The following SMARCAD1 variants were observed in gnomAD, a reference collection of about 807,000 sequenced individuals.
SMARCAD1 encodes the protein SNF2 related chromatin remodeling ATPase with DExD box 1.
Under a neutral mutation model 127.1 loss-of-function variants are expected in SMARCAD1, and 25 were observed. That is an observed-to-expected ratio of 0.20 (90% confidence interval 0.14 to 0.27). The LOEUF is 0.27. SMARCAD1 is among the 10% of genes least tolerant of loss of function. The probability of loss-of-function intolerance (pLI) is 1.00; values close to 1 mark genes in which losing one functional copy is unlikely to be tolerated. For synonymous variants in SMARCAD1, 400 were observed against 396.9 expected (o/e 1.01, Z -0.09); for missense variants, 807 against 1,206.0 (o/e 0.67, Z 4.90).
chr4:94,209,657 A>C (rs1741881171), intron 2 of SMARCAD1, among the ~76,000 whole-genome samples: 2 of 152,226 alleles, frequency 1.3e-5, no homozygotes, highest in Admixed American at 1.3e-4. Context: ...ACATTTTTAA[A>C]TACTTTGGTG....
At chr4:94,209,960 A>T (rs2125779287) in intron 2 of SMARCAD1, among the ~76,000 whole-genome samples, 1 of 152,344 alleles carries the variant, frequency 6.6e-6, no homozygotes, top group African/African-American at 2.4e-5. Context: ...CATTTTTGTT[A>T]AATGTGGGAC....
At chr4:94,240,270 G>A (rs1271707244) in intron 5 of SMARCAD1, among the ~76,000 whole-genome samples, 1 of 152,172 alleles carries the variant, frequency 6.6e-6, no homozygotes, top group Non-Finnish European at 1.5e-5. Flanking sequence ...TACATAAGTA[G>A]CATATGTAGC....
At chr4:94,245,970 TC>T (rs1162943135) in intron 6 of SMARCAD1, among the ~76,000 whole-genome samples, 1 of 152,146 alleles carries the variant, frequency 6.6e-6, no homozygotes, top group Non-Finnish European at 1.5e-5. Flanking sequence ...GCCAAAGACT[TC>T]ATACAACATC....
intron 2 of SMARCAD1, among the ~76,000 whole-genome samples, chr4:94,224,685 C>T (rs964929658): frequency 3.9e-5 from 6 of 152,206 alleles, no homozygotes; most frequent in African/African-American, 4.8e-5. Context: ...TTTAGTGTTA[C>T]GATTTAATGG....
At chr4:94,221,397 A>G (rs910874788) in intron 2 of SMARCAD1, among the ~76,000 whole-genome samples, 2 of 152,232 alleles carry the variant, frequency 1.3e-5, no homozygotes, top group African/African-American at 4.8e-5. Context: ...CCACATTGCA[A>G]ATAACTCTAA....
rs1755438368 is a variant in SMARCAD1 at position 94,289,640 on chromosome 4, A to G, written c.*106A>G. On this transcript the variant is annotated 3_prime_UTR_variant, in exon 24 of 24. Coordinates refer to ENST00000354268, the MANE Select transcript of SMARCAD1 (RefSeq NM_020159.5). ...GGTTTATGAACATTTATAACTTTTT[A>G]TAATTTCCATATTACATTTCTCATA... The G allele has an allele frequency of 2.8e-6, 3 of 1,056,174 alleles. No individual in the cohort carries two copies. The highest frequency in any genetic ancestry group is 2.0e-4 in the Middle Eastern group (1 of 4,900). The allele number at this position is 1,056,174 out of a possible 1,614,324, so 65.4% of individuals were successfully genotyped here. A position where few individuals can be genotyped will look rare whatever the true frequency, so the allele number is the denominator to read the frequency against.
chr4:94,275,460 A>T (rs185760557), intron 14 of SMARCAD1, among the ~76,000 whole-genome samples: 87 of 152,296 alleles, frequency 5.7e-4, no homozygotes, highest in African/African-American at 1.8e-3. Context: ...TAGTTGATTT[A>T]TTTAAAGTTC....
At chr4:94,250,355 T>A (rs140865682) in intron 7 of SMARCAD1, among the ~76,000 whole-genome samples, 102 of 152,214 alleles carry the variant, frequency 6.7e-4, no homozygotes, top group Admixed American at 2.6e-3. Context: ...TACTAAATTC[T>A]GATGAGCTGA....
intron 9 of SMARCAD1, among the ~76,000 whole-genome samples, chr4:94,258,069 G>A (rs1034396914): frequency 1.2e-4 from 18 of 148,848 alleles, no homozygotes; most frequent in Non-Finnish European, 2.2e-4. Context: ...TATTTGTCTC[G>A]GTTTTTCTCT....
At chr4:94,235,365 G>C (rs1746489190) in intron 4 of SMARCAD1, among the ~76,000 whole-genome samples, 1 of 144,410 alleles carries the variant, frequency 6.9e-6, no homozygotes, top group Non-Finnish European at 1.5e-5. Context: ...GATGTACTTT[G>C]TTCCTTTTAA....
At chr4:94,281,621 A>G in intron 21 of SMARCAD1, 31 bp downstream of exon 21, 1 of 1,298,528 alleles carries the variant, frequency 7.7e-7, no homozygotes, top group Non-Finnish European at 1.1e-6. Flanking sequence ...TTACAAAAAA[A>G]TAACTCATTT....
At chr4:94,285,439 C>G (rs902438381) in intron 23 of SMARCAD1, among the ~76,000 whole-genome samples, 2 of 152,020 alleles carry the variant, frequency 1.3e-5, no homozygotes, top group African/African-American at 4.8e-5. Flanking sequence ...AACACGTGTT[C>G]TTTCTTTTAT....
At chr4:94,270,623 G>A (rs900566649) in intron 10 of SMARCAD1, 105 bp from the exon 11 acceptor site, 5 of 898,108 alleles carry the variant, frequency 5.6e-6, no homozygotes, top group African/African-American at 1.7e-5. Flanking sequence ...CAGTTAAAAG[G>A]TAAGATTAGA....
chr4:94,241,767 C>T lies in SMARCAD1; in HGVS notation c.705+761C>T, dbSNP rs568769547. On this transcript the variant is annotated intron_variant, in intron 6 of 23. Transcript: ENST00000354268. ...TGTTCCTTGCAGGTTGAGCACTGACCGTAACAATAGCCAGATTAATCTTGG... is the reference window on the plus strand; with the variant it reads ...TGTTCCTTGCAGGTTGAGCACTGACTGTAACAATAGCCAGATTAATCTTGG... Among the ~76,000 whole-genome samples, 17 of 152,148 alleles carry T rather than the reference C, an allele frequency of 1.1e-4. No individual in the cohort carries two copies. In the South Asian group the frequency reaches 2.1e-3, roughly 19 times the overall value.
chr4:94,253,510 T>A (rs1447019240), intron 9 of SMARCAD1: 19 of 1,130,816 alleles, frequency 1.7e-5, no homozygotes, highest in Non-Finnish European at 2.0e-5. Flanking sequence ...TTTCTTTTTT[T>A]CTTCTAAAAG....
chr4:94,229,054 A>G (rs1351833397), intron 3 of SMARCAD1, among the ~76,000 whole-genome samples: 1 of 152,144 alleles, frequency 6.6e-6, no homozygotes, highest in African/African-American at 2.4e-5. Context: ...CAGGAGACAC[A>G]TGATATCCAT....
intron 9 of SMARCAD1, 103 bp from the exon 10 acceptor site, chr4:94,264,603 TA>T (rs1751469145): frequency 8.4e-6 from 8 of 951,782 alleles, no homozygotes; most frequent in Non-Finnish European, 1.3e-5. Flanking sequence ...GCTCATTAAG[TA>T]AAAGTTTAAA....
At chr4:94,216,325 A>G (rs1243006199) in intron 2 of SMARCAD1, among the ~76,000 whole-genome samples, 4 of 152,178 alleles carry the variant, frequency 2.6e-5, no homozygotes, top group East Asian at 1.9e-4. Context: ...GTTGTTTGCC[A>G]TAGAAAAATT....
Position 94,277,172 on chromosome 4 carries a change from G to C in SMARCAD1, c.2082+13G>C. 6.8e-6 allele frequency: 11 copies of C among 1,613,348 alleles called. No homozygotes were observed. Among genetic ancestry groups the C allele is most frequent in the Non-Finnish European group, 9.3e-6 (11 of 1,179,442 alleles). On this transcript the variant is annotated intron_variant, in intron 16 of 23. Transcript: ENST00000354268. The stretch of plus-strand genomic sequence containing the variant: ...TTCCTCTAAGACAGTAAGCATAAAT[G>C]CATATTTTCTCCCAAATATGTTATT...
Sources: gnomAD v4.1 joint callset for allele counts (sites outside exome capture counted in the v4.1 genomes callset) on GRCh38, gnomAD v4.1.1 for gene constraint, MANE v1.5 for transcripts, NCBI Gene and HGNC (gene_info 2026-07-23, HGNC 2026-07-21) for gene names.